Variants in RNLS observed in about 807,000 individuals in gnomAD.
RNLS encodes the protein renalase.
In RNLS, 39 loss-of-function variants were observed where a neutral mutation model predicts 39.8. That is an observed-to-expected ratio of 0.98 (90% CI 0.76 to 1.28). RNLS has a LOEUF of 1.28. Among genes scored for constraint, RNLS ranks in the 50% most tolerant of loss-of-function variants. The pLI, the probability that RNLS is intolerant of heterozygous loss-of-function variation, is 0.00. For missense variants in RNLS, 410 were observed against 413.3 expected, an observed-to-expected ratio of 0.99 and a Z score of 0.07; for synonymous variants, 147 against 150.7, an observed-to-expected ratio of 0.98 and a Z score of 0.18.
chr10:88,477,045 T>C (rs1589859924), intron 4 of RNLS, among the ~76,000 whole-genome samples: 1 of 151,778 alleles, frequency 6.6e-6, no homozygotes, highest in African/African-American at 2.4e-5. Context: ...TCTGCTATAT[T>C]ATAAATGAAA....
chr10:88,573,071 A>G lies in RNLS; in HGVS notation c.368-10T>C. 1.2e-6 allele frequency: 2 copies of G among 1,611,804 alleles called. No individual in the cohort carries two copies. The highest frequency in any genetic ancestry group is 1.7e-6 in the Non-Finnish European group (2 of 1,178,494). On this transcript the variant is annotated splice_polypyrimidine_tract_variant and intron_variant, in intron 3 of 6. Coordinates refer to ENST00000331772, the MANE Select transcript of RNLS (RefSeq NM_001031709.3). Reference sequence around the variant, plus strand: ...AAGTAGACTTCTGCACCTGTTCCAAAAGCAAAATCATGTCCCCATTATCAG... The same window carrying G: ...AAGTAGACTTCTGCACCTGTTCCAAGAGCAAAATCATGTCCCCATTATCAG...
At chr10:88,349,924 T>C (rs559856090) in intron 5 of RNLS, among the ~76,000 whole-genome samples, 69 of 152,178 alleles carry the variant, frequency 4.5e-4, no homozygotes, top group African/African-American at 1.6e-3. Flanking sequence ...ATCAGTTACA[T>C]AACTGAATTA....
rs185055734 is a variant in RNLS, at chr10:88,291,446, C to A, written c.877-5940G>T. Among the ~76,000 whole-genome samples, 265 of 152,240 alleles carry A rather than the reference C, an allele frequency of 1.7e-3. 2 individuals carry two copies. Among genetic ancestry groups the A allele is most frequent in the East Asian group, 0.01 (53 of 5,184 alleles). ...TTCCCAGATCATTCATCTTGCTGGG[C>A]AAATTTCCCCAACTGTATCACAGAT... On this transcript the variant is annotated intron_variant, in intron 6 of 6. Coordinates refer to ENST00000331772, the MANE Select transcript of RNLS (RefSeq NM_001031709.3).
chr10:88,524,556 CTAT>C (rs1274881652), intron 4 of RNLS, among the ~76,000 whole-genome samples: 2 of 151,934 alleles, frequency 1.3e-5, no homozygotes, highest in East Asian at 3.9e-4. Context: ...TAAAATAATC[CTAT>C]TTTCTATTAG....
the RNLS span, among the ~76,000 whole-genome samples, chr10:88,185,539 C>T: frequency 6.6e-6 from 1 of 152,132 alleles, no homozygotes; most frequent in Non-Finnish European, 1.5e-5. Flanking sequence ...ATTCCAATCT[C>T]CTCATCATAG....
intron 3 of RNLS, 132 bp downstream of exon 3, chr10:88,581,435 G>T (rs893169446): frequency 7.8e-6 from 5 of 640,286 alleles, no homozygotes; most frequent in East Asian, 3.4e-5. Context: ...TTTGGGGAAG[G>T]ACTAGCTATT....
intron 5 of RNLS, among the ~76,000 whole-genome samples, chr10:88,359,507 A>G (rs570600393): frequency 6.6e-6 from 1 of 152,374 alleles, no homozygotes; most frequent in African/African-American, 2.4e-5. Flanking sequence ...AAATGCCATT[A>G]CTGGCATTCT....
chr10:88,340,026 TC>T (rs1364468605), intron 5 of RNLS, among the ~76,000 whole-genome samples: 1 of 152,260 alleles, frequency 6.6e-6, no homozygotes, highest in African/African-American at 2.4e-5. Context: ...TACACCTCGT[TC>T]TTAGGACTTG....
At chr10:88,500,713 G>A (rs563200744) in intron 4 of RNLS, among the ~76,000 whole-genome samples, 3 of 152,088 alleles carry the variant, frequency 2.0e-5, no homozygotes, top group African/African-American at 7.2e-5. Flanking sequence ...AATAACTTTC[G>A]ATCATTAGTG....
chr10:88,492,764 G>A (rs1405874377), intron 4 of RNLS, among the ~76,000 whole-genome samples: 2 of 151,892 alleles, frequency 1.3e-5, no homozygotes, highest in African/African-American at 4.8e-5. Flanking sequence ...TTTTGTGTGT[G>A]TGCAGCTACC....
At chr10:88,328,585 C>G (rs1483664364) in intron 5 of RNLS, among the ~76,000 whole-genome samples, 4 of 152,230 alleles carry the variant, frequency 2.6e-5, no homozygotes, top group Admixed American at 2.0e-4. Flanking sequence ...TTTTCCCCTT[C>G]TACTATCTTG....
At chr10:88,462,770 G>C (rs1408243757) in intron 4 of RNLS, among the ~76,000 whole-genome samples, 1 of 151,618 alleles carries the variant, frequency 6.6e-6, no homozygotes, top group Admixed American at 6.6e-5. Flanking sequence ...GGAAGTTGAG[G>C]ATCAAAAACT....
intron 4 of RNLS, among the ~76,000 whole-genome samples, chr10:88,412,213 G>A (rs1050146688): frequency 2.6e-5 from 4 of 152,052 alleles, no homozygotes; most frequent in Non-Finnish European, 5.9e-5. Flanking sequence ...TATGGCAGTA[G>A]TAGTGCAGAT....
At chr10:88,579,089 A>G (rs1054360583) in intron 3 of RNLS, among the ~76,000 whole-genome samples, 1 of 152,196 alleles carries the variant, frequency 6.6e-6, no homozygotes, top group Non-Finnish European at 1.5e-5. Context: ...TTCAGACTGA[A>G]GACCCAAAGA....
At position 88,284,519 on chromosome 10, in the gene RNLS, A is replaced by G. The variant is rs937015869; in HGVS notation, c.*835T>C. 1.0e-6 allele frequency: 1 copy of G among 985,386 alleles called. No individual in the cohort carries two copies. Among genetic ancestry groups the G allele is most frequent in the Non-Finnish European group, 1.2e-6 (1 of 829,902 alleles). The allele number at this position is 985,386 out of a possible 1,614,324, so 61.0% of individuals were successfully genotyped here. Reference sequence around the variant, plus strand: ...TTTAAGTGCATCTATTTTCTGGTTCAGTAAATTTTTTGTTGTGTTAAATTC... The same window carrying G: ...TTTAAGTGCATCTATTTTCTGGTTCGGTAAATTTTTTGTTGTGTTAAATTC... On this transcript the variant is annotated 3_prime_UTR_variant, in exon 7 of 7. Coordinates refer to ENST00000331772, the MANE Select transcript of RNLS (RefSeq NM_001031709.3).
chr10:88,575,954 T>C (rs977534073), intron 3 of RNLS, among the ~76,000 whole-genome samples: 4 of 152,188 alleles, frequency 2.6e-5, no homozygotes, highest in Non-Finnish European at 5.9e-5. Context: ...AACCTCCTCC[T>C]ACTGCTTCAA....
chr10:88,283,976 TA>T, downstream of RNLS: 1 of 256,050 alleles, frequency 3.9e-6, no homozygotes, highest in Non-Finnish European at 6.1e-6. Context: ...AAAATATAAA[TA>T]AAGACAAATG....
At chr10:88,229,297 C>T in the RNLS span, among the ~76,000 whole-genome samples, 6 of 152,152 alleles carry the variant, frequency 3.9e-5, no homozygotes, top group South Asian at 2.1e-4. Context: ...AGCTCTGCCT[C>T]GATGTGTGTA....
intron 4 of RNLS, among the ~76,000 whole-genome samples, chr10:88,540,730 C>G (rs2134281786): frequency 6.6e-6 from 1 of 152,158 alleles, no homozygotes; most frequent in African/African-American, 2.4e-5. Context: ...GAAACTCTCT[C>G]AAGGACAACA....
Sources: gnomAD v4.1 joint callset for allele counts (sites outside exome capture counted in the v4.1 genomes callset) on GRCh38, gnomAD v4.1.1 for gene constraint, MANE v1.5 for transcripts, NCBI Gene and HGNC (gene_info 2026-07-23, HGNC 2026-07-21) for gene names.